Variants in USP37 observed in about 807,000 individuals in gnomAD.
USP37 encodes the protein ubiquitin specific peptidase 37, also known as ubiquitin carboxyl-terminal hydrolase 37.
In USP37, 27 loss-of-function variants were observed where a neutral mutation model predicts 124.0. The ratio of observed to expected loss-of-function variants is 0.22; its 90% confidence interval spans 0.16 to 0.30. USP37 has a LOEUF of 0.30. Among genes scored for constraint, USP37 ranks in the 10% least tolerant of loss-of-function variants. The probability of loss-of-function intolerance (pLI) is 1.00; values close to 1 mark genes in which losing one functional copy is unlikely to be tolerated. For synonymous variants in USP37, 365 were observed against 388.0 expected (o/e 0.94, Z 0.70); for missense variants, 889 against 1,140.4 (o/e 0.78, Z 3.17).
intron 4 of USP37, 63 bp downstream of exon 4, chr2:218,558,435 C>T (rs777169374): frequency 3.4e-5 from 50 of 1,485,662 alleles, no homozygotes; most frequent in Non-Finnish European, 4.5e-5. Context: ...TACTATGGCA[C>T]AGAATAGCTA....
intron 14 of USP37, 59 bp from the exon 15 acceptor site, chr2:218,488,480 T>C (rs925702828): frequency 6.5e-6 from 7 of 1,069,166 alleles, no homozygotes; most frequent in Non-Finnish European, 9.7e-6. Flanking sequence ...AACACAAATA[T>C]ACCTGAGAAA....
intron 11 of USP37, among the ~76,000 whole-genome samples, chr2:218,504,063 T>C (rs1689540426): frequency 6.6e-6 from 1 of 152,006 alleles, no homozygotes; most frequent in South Asian, 2.1e-4. Flanking sequence ...AATAGGGAGG[T>C]CGATTCATTA....
intron 8 of USP37, among the ~76,000 whole-genome samples, chr2:218,541,643 C>T (rs1691978990): frequency 6.6e-6 from 1 of 152,082 alleles, no homozygotes; most frequent in Admixed American, 6.6e-5. Context: ...GGTTACAGCC[C>T]TAAGACCACC....
In USP37 at chr2:218,460,091, C is replaced by CAAAAA. The variant is rs55945023; in HGVS notation, c.2528-191_2528-187dup. Among the ~76,000 whole-genome samples the CAAAAA allele has an allele frequency of 2.0e-3, 241 of 118,028 alleles. 3 individuals carry two copies. Among genetic ancestry groups the CAAAAA allele is most frequent in the Non-Finnish European group, 3.3e-3 (198 of 60,136 alleles). The allele number at this position is 118,028 out of a possible 152,430, so 77.4% of individuals were successfully genotyped here. A position where few individuals can be genotyped will look rare whatever the true frequency, so the allele number is the denominator to read the frequency against. On this transcript the variant is annotated intron_variant, in intron 22 of 25. Transcript: ENST00000258399. ...AGAAACTCCATCTCTACTAAAAATA[C>CAAAAA]AAAAAAAAAAAAAAAAAAATTAGCC...
rs1691039626 is a variant in USP37 at position 218,527,406 on chromosome 2, GTTTTACATTTAA to G, written c.863+2538_863+2549del. Among the ~76,000 whole-genome samples the G allele has an allele frequency of 2.0e-5, 3 of 152,292 alleles. No homozygotes were observed. The South Asian group carries it at 6.2e-4, about 32-fold the overall frequency. On this transcript the variant is annotated intron_variant, in intron 10 of 25. Coordinates refer to ENST00000258399, the MANE Select transcript of USP37 (RefSeq NM_020935.3). ...CTTCTTATGAGAAAACAAGTTCTAA[GTTTTACATTTAA>G]TTTACATTTAGTTCCCAATCTCGTG... is the stretch of plus-strand genomic sequence containing the variant.
chr2:218,463,959 G>A (rs556499120), intron 21 of USP37, among the ~76,000 whole-genome samples: 36 of 149,144 alleles, frequency 2.4e-4, no homozygotes, highest in Admixed American at 2.1e-3. Context: ...AGGTTCAAGC[G>A]ATTCTCCTGT....
At position 218,556,976 on chromosome 2, in the gene USP37, C is replaced by T. The variant is rs577807263; in HGVS notation, c.156+1522G>A. On this transcript the variant is annotated intron_variant, in intron 4 of 25. Coordinates refer to ENST00000258399, the MANE Select transcript of USP37 (RefSeq NM_020935.3). The stretch of plus-strand genomic sequence containing the variant: ...ATCACAGGCTCAAGCCATCTTCCCA[C>T]CTCAACCTTATAAGTAGCTGGGACT... Among the ~76,000 whole-genome samples, 19 of 152,252 alleles carry T rather than the reference C, an allele frequency of 1.2e-4. 1 individual carries two copies. The South Asian group carries it at 3.3e-3, about 27-fold the overall frequency.
chr2:218,477,791 T>C (rs1316108346), intron 18 of USP37, among the ~76,000 whole-genome samples: 1 of 152,246 alleles, frequency 6.6e-6, no homozygotes, highest in Non-Finnish European at 1.5e-5. Flanking sequence ...AGGAACAGTG[T>C]AACATATTTT....
At chr2:218,515,510 C>A (rs1473369505) in intron 10 of USP37, among the ~76,000 whole-genome samples, 2 of 152,168 alleles carry the variant, frequency 1.3e-5, no homozygotes, top group Non-Finnish European at 2.9e-5. Flanking sequence ...AGAACAGAAA[C>A]TGGACCCCTT....
chr2:218,524,338 G>GATCCTCCCACCTA (rs1383726797), intron 10 of USP37, among the ~76,000 whole-genome samples: 2 of 152,136 alleles, frequency 1.3e-5, no homozygotes, highest in African/African-American at 4.8e-5. Context: ...GGATTCAAGT[G>GATCCTCCCACCTA]ATCCTCCCAC....
intron 10 of USP37, among the ~76,000 whole-genome samples, chr2:218,517,414 C>T (rs1304511082): frequency 7.0e-6 from 1 of 142,966 alleles, no homozygotes; most frequent in African/African-American, 2.4e-5. Flanking sequence ...TCCTTTAGTA[C>T]ATATTTGTGG....
intron 5 of USP37, among the ~76,000 whole-genome samples, chr2:218,552,694 A>C (rs1411539859): frequency 6.6e-6 from 1 of 152,250 alleles, no homozygotes; most frequent in Non-Finnish European, 1.5e-5. Context: ...TAGAGGGGGC[A>C]GAGGAACCTG....
At chr2:218,501,030 T>C in intron 11 of USP37, 1 of 149,864 alleles carries the variant, frequency 6.7e-6, no homozygotes. Context: ...CAGATCGCCC[T>C]CACATCCAAT....
chr2:218,550,821 T>C (rs1461234343), intron 5 of USP37, among the ~76,000 whole-genome samples: 1 of 151,192 alleles, frequency 6.6e-6, no homozygotes, highest in Admixed American at 6.6e-5. Context: ...TCTCTACTAG[T>C]TTTTTTTTAA....
chr2:218,484,112 T>C (rs2105976735), intron 16 of USP37, among the ~76,000 whole-genome samples: 1 of 151,468 alleles, frequency 6.6e-6, no homozygotes, highest in South Asian at 2.1e-4. Flanking sequence ...TGAGCCGAGA[T>C]CATGCCACCG....
At chr2:218,515,766 C>T (rs1444153805) in intron 10 of USP37, among the ~76,000 whole-genome samples, 1 of 152,130 alleles carries the variant, frequency 6.6e-6, no homozygotes, top group Non-Finnish European at 1.5e-5. Context: ...AGGTAACTTA[C>T]AGAACGGGAG....
chr2:218,520,938 T>C (rs988956470), intron 10 of USP37, among the ~76,000 whole-genome samples: 3 of 152,200 alleles, frequency 2.0e-5, no homozygotes, highest in African/African-American at 4.8e-5. Flanking sequence ...TGGAAGGTGA[T>C]TGGATCATGG....
intron 22 of USP37, among the ~76,000 whole-genome samples, chr2:218,460,688 A>G (rs1303200199): frequency 6.6e-6 from 1 of 152,114 alleles, no homozygotes; most frequent in African/African-American, 2.4e-5. Flanking sequence ...TATGCCTGTA[A>G]TCTCAGCACT....
chr2:218,507,535 G>A (rs1390639731), intron 11 of USP37, among the ~76,000 whole-genome samples: 1 of 152,132 alleles, frequency 6.6e-6, no homozygotes, highest in Non-Finnish European at 1.5e-5. Flanking sequence ...TTCACTGGCT[G>A]AAATATTTTG....
Sources: allele counts gnomAD v4.1 joint callset (sites outside exome capture counted in the v4.1 genomes callset), GRCh38; gene constraint gnomAD v4.1.1; transcripts MANE v1.5; gene names NCBI Gene and HGNC (gene_info 2026-07-23, HGNC 2026-07-21).